The following SLC31A1 variants were observed in gnomAD, a reference collection of about 807,000 sequenced individuals.
The protein encoded by SLC31A1 is high affinity copper uptake protein 1.
Under a neutral mutation model 17.2 loss-of-function variants are expected in SLC31A1, and 5 were observed. The ratio of observed to expected loss-of-function variants is 0.29; its 90% CI spans 0.15 to 0.61. SLC31A1 has a LOEUF of 0.61. Ranked by LOEUF, SLC31A1 falls within the 20% of genes least tolerant of loss-of-function variation. The probability of loss-of-function intolerance (pLI) is 0.86; values close to 1 mark genes in which losing one functional copy is unlikely to be tolerated. For synonymous variants in SLC31A1, 76 were observed against 78.8 expected (o/e 0.96, Z 0.19); for missense variants, 161 against 241.4 (o/e 0.67, Z 2.21).
intron 1 of SLC31A1, among the ~76,000 whole-genome samples, chr9:113,228,159 C>A (rs977285647): frequency 1.2e-4 from 19 of 152,146 alleles, no homozygotes; most frequent in African/African-American, 4.3e-4. Flanking sequence ...AATGTGGGTC[C>A]AGAGCTCAGA....
At position 113,248,951 on chromosome 9, in the gene SLC31A1, T is replaced by C. The variant is rs549142422; in HGVS notation, c.-35-7163T>C. Among the ~76,000 whole-genome samples the C allele has an allele frequency of 8.5e-5, 13 of 152,292 alleles. No individual in the cohort carries two copies. The South Asian group carries it at 2.7e-3, about 32-fold the overall frequency. The stretch of plus-strand genomic sequence containing the variant: ...CTACTCAAGTTCTTTTATCCCCTAA[T>C]ATTCCACATAATGATAATAGCTGCC... On this transcript the variant is annotated intron_variant, in intron 1 of 4. Coordinates refer to ENST00000374212, the MANE Select transcript of SLC31A1 (RefSeq NM_001859.4).
At chr9:113,255,551 A>G (rs1260276610) in intron 1 of SLC31A1, among the ~76,000 whole-genome samples, 3 of 152,186 alleles carry the variant, frequency 2.0e-5, no homozygotes, top group Non-Finnish European at 2.9e-5. Flanking sequence ...CATCTGTACG[A>G]TAAAACAAAA....
intron 1 of SLC31A1, among the ~76,000 whole-genome samples, chr9:113,235,738 C>G (rs1226706556): frequency 6.6e-6 from 1 of 152,118 alleles, no homozygotes; most frequent in East Asian, 1.9e-4. Flanking sequence ...ATAAAATATA[C>G]TTACTTTATG....
intron 1 of SLC31A1, among the ~76,000 whole-genome samples, chr9:113,243,593 G>A (rs1831544982): frequency 6.7e-6 from 1 of 148,576 alleles, no homozygotes; most frequent in South Asian, 2.1e-4. Flanking sequence ...GTGGGGCGGG[G>A]GTGGGTGTGG....
chr9:113,222,977 G>C (rs58039219), intron 1 of SLC31A1, among the ~76,000 whole-genome samples: 9,503 of 152,104 alleles, frequency 0.062, 655 homozygotes, highest in East Asian at 0.34. Flanking sequence ...TTTTAACATG[G>C]AATGAATACT....
At chr9:113,221,772 C>G (rs559413332) in intron 1 of SLC31A1, 94 bp downstream of exon 1, 7 of 189,320 alleles carry the variant, frequency 3.7e-5, no homozygotes, top group Non-Finnish European at 8.0e-5. Flanking sequence ...CTTTCCTCAG[C>G]TCCGCGGAAG....
intron 1 of SLC31A1, among the ~76,000 whole-genome samples, chr9:113,231,391 C>G (rs570589220): frequency 1.3e-5 from 2 of 152,022 alleles, no homozygotes; most frequent in South Asian, 2.1e-4. Flanking sequence ...TAGGGAGACC[C>G]CTTCTCTACA....
intron 1 of SLC31A1, among the ~76,000 whole-genome samples, chr9:113,255,037 A>G (rs571112035): frequency 6.6e-6 from 1 of 152,312 alleles, no homozygotes; most frequent in Non-Finnish European, 1.5e-5. Flanking sequence ...AGAGTATCCA[A>G]TTTATACCTT....
chr9:113,233,201 T>C (rs1177397291), intron 1 of SLC31A1, among the ~76,000 whole-genome samples: 1 of 152,232 alleles, frequency 6.6e-6, no homozygotes, highest in Admixed American at 6.5e-5. Context: ...CAAGAAGATA[T>C]TAAGTAATTT....
At chr9:113,255,584 T>G (rs958231105) in intron 1 of SLC31A1, among the ~76,000 whole-genome samples, 12 of 151,950 alleles carry the variant, frequency 7.9e-5, no homozygotes, top group African/African-American at 2.9e-4. Flanking sequence ...GTGGTAGTGG[T>G]GCAGGCCTGT....
intron 1 of SLC31A1, among the ~76,000 whole-genome samples, chr9:113,221,946 A>T (rs1831280239): frequency 6.6e-6 from 1 of 152,128 alleles, no homozygotes; most frequent in Non-Finnish European, 1.5e-5. Context: ...GGTCCAGAAG[A>T]TTTTAGAGCT....
chr9:113,255,470 C>T (rs1309633996), intron 1 of SLC31A1, among the ~76,000 whole-genome samples: 1 of 152,204 alleles, frequency 6.6e-6, no homozygotes, highest in Non-Finnish European at 1.5e-5. Flanking sequence ...AATCCCAACA[C>T]TTTGGGAGGC....
intron 1 of SLC31A1, among the ~76,000 whole-genome samples, chr9:113,249,494 G>A (rs1831622213): frequency 6.6e-6 from 1 of 151,846 alleles, no homozygotes; most frequent in Non-Finnish European, 1.5e-5. Flanking sequence ...AGCCTCCCAG[G>A]TAGTTGGGAT....
At chr9:113,234,508 T>TTTTTTA (rs1554720278) in intron 1 of SLC31A1, among the ~76,000 whole-genome samples, 2 of 138,192 alleles carry the variant, frequency 1.4e-5, no homozygotes, top group African/African-American at 5.6e-5. Flanking sequence ...TTTTTTTTTT[T>TTTTTTA]AGCTCTCACT....
Position 113,262,244 on chromosome 9 carries a change from C to A in SLC31A1, c.*1771C>A, listed in dbSNP as rs2118524878. On this transcript the variant is annotated 3_prime_UTR_variant, in exon 5 of 5. Coordinates refer to ENST00000374212, the MANE Select transcript of SLC31A1 (RefSeq NM_001859.4). ...AGATCCTCATCCTCCATATAATCAT[C>A]TTTGTTATTCGTGGGGGTTTAATTA... 1 of 152,764 alleles carries A rather than the reference C, an allele frequency of 6.5e-6. No homozygotes were observed. The highest frequency in any genetic ancestry group is 2.1e-4 in the South Asian group (1 of 4,824). The allele number at this position is 152,764 out of a possible 1,614,324, so 9.5% of individuals were successfully genotyped here. A position where few individuals can be genotyped will look rare whatever the true frequency, so the allele number is the denominator to read the frequency against.
chr9:113,257,042 G>T (rs1425660082), intron 2 of SLC31A1, 71 bp from the exon 3 acceptor site: 26 of 1,222,380 alleles, frequency 2.1e-5, no homozygotes, highest in Non-Finnish European at 3.0e-5. Context: ...AATGTTCTAA[G>T]CTTCTTTGCC....
chr9:113,263,545 C>T lies in SLC31A1; in HGVS notation c.*3072C>T, dbSNP rs1269130971. On this transcript the variant is annotated 3_prime_UTR_variant, in exon 5 of 5. Coordinates refer to ENST00000374212, the MANE Select transcript of SLC31A1 (RefSeq NM_001859.4). ...GCCCCCTTACTCTGTTGTCCTTTCC[C>T]TTTTCTTTCAGTTTTTTTAATCGCA... The T allele has an allele frequency of 6.6e-6, 1 of 152,628 alleles. No individual in the cohort carries two copies. Among genetic ancestry groups the T allele is most frequent in the East Asian group, 1.9e-4 (1 of 5,196 alleles). The allele number at this position is 152,628 out of a possible 1,614,324, so 9.5% of individuals were successfully genotyped here.
At chr9:113,227,838 T>C (rs1279586860) in intron 1 of SLC31A1, among the ~76,000 whole-genome samples, 1 of 152,220 alleles carries the variant, frequency 6.6e-6, no homozygotes, top group Non-Finnish European at 1.5e-5. Flanking sequence ...AAAGCAATGC[T>C]TTGCCAATGT....
At chr9:113,235,012 C>A (rs2118990217) in intron 1 of SLC31A1, among the ~76,000 whole-genome samples, 1 of 152,240 alleles carries the variant, frequency 6.6e-6, no homozygotes, top group African/African-American at 2.4e-5. Context: ...GTAAAAACTT[C>A]TGTTCGTTCA....
Sources: allele counts gnomAD v4.1 joint callset (sites outside exome capture counted in the v4.1 genomes callset), GRCh38; gene constraint gnomAD v4.1.1; transcripts MANE v1.5; gene names NCBI Gene and HGNC (gene_info 2026-07-23, HGNC 2026-07-21).